DTNB: variants seen among roughly 807,000 people sequenced by gnomAD.
DTNB encodes dystrobrevin beta.
A neutral mutation model predicts 90.7 loss-of-function variants in DTNB; 63 were observed. The ratio of observed to expected loss-of-function variants is 0.69; its 90% confidence interval spans 0.57 to 0.86. The LOEUF (loss-of-function observed/expected upper bound fraction) is 0.86. Ranked by LOEUF, DTNB falls within the 40% of genes least tolerant of loss-of-function variation. The pLI is 0.00. For missense variants in DTNB, 744 were observed against 807.1 expected (o/e 0.92, Z 0.95); for synonymous variants, 277 against 286.7 (o/e 0.97, Z 0.34).
At chr2:25,630,795 G>C (rs775711002) in intron 3 of DTNB, among the ~76,000 whole-genome samples, 1 of 120,116 alleles carries the variant, frequency 8.3e-6, no homozygotes, top group African/African-American at 3.2e-5. Context: ...AGTGAGCCAA[G>C]ATTACACCAC....
intron 9 of DTNB, among the ~76,000 whole-genome samples, chr2:25,509,215 A>G (rs990895053): frequency 1.3e-5 from 2 of 152,184 alleles, no homozygotes; most frequent in Non-Finnish European, 2.9e-5. Flanking sequence ...ATGCACTAAG[A>G]GTGACATTCT....
chr2:25,394,385 A>C (rs2041911034), intron 16 of DTNB, among the ~76,000 whole-genome samples: 1 of 152,134 alleles, frequency 6.6e-6, no homozygotes, highest in Admixed American at 6.5e-5. Context: ...AACAAAGATA[A>C]ATAGATGGGA....
intron 9 of DTNB, among the ~76,000 whole-genome samples, chr2:25,517,377 A>G (rs1006361174): frequency 7.9e-5 from 12 of 152,200 alleles, no homozygotes; most frequent in Non-Finnish European, 1.3e-4. Flanking sequence ...GCAAAATTGT[A>G]TAAATTAACT....
chr2:25,506,774 G>A (rs1319401136), intron 9 of DTNB, among the ~76,000 whole-genome samples: 3 of 152,210 alleles, frequency 2.0e-5, no homozygotes, highest in African/African-American at 7.2e-5. Context: ...ATGAGAATAT[G>A]GGGAAACCTG....
chr2:25,666,790 G>A (rs1193163746), intron 1 of DTNB, among the ~76,000 whole-genome samples: 25 of 152,138 alleles, frequency 1.6e-4, no homozygotes, highest in Admixed American at 1.6e-3. Flanking sequence ...ACTTCCTGCA[G>A]GTAGTAATGA....
At chr2:25,526,629 CA>C (rs1357632257) in intron 9 of DTNB, among the ~76,000 whole-genome samples, 1 of 151,866 alleles carries the variant, frequency 6.6e-6, no homozygotes, top group Non-Finnish European at 1.5e-5. Flanking sequence ...CTCCTGACCT[CA>C]GATGATCCAC....
chr2:25,484,438 T>C (rs951628382), intron 9 of DTNB, among the ~76,000 whole-genome samples: 1 of 152,236 alleles, frequency 6.6e-6, no homozygotes, highest in Non-Finnish European at 1.5e-5. Flanking sequence ...CAGGCTTTAT[T>C]GTTTTGCAGG....
chr2:25,642,485 G>T (rs2078551697), intron 2 of DTNB, among the ~76,000 whole-genome samples: 2 of 151,402 alleles, frequency 1.3e-5, no homozygotes, highest in Admixed American at 1.3e-4. Flanking sequence ...TGCAATCTCG[G>T]TTCACTGCAG....
At chr2:25,437,513 C>T (rs538692044) in intron 12 of DTNB, among the ~76,000 whole-genome samples, 6 of 152,216 alleles carry the variant, frequency 3.9e-5, no homozygotes, top group Admixed American at 1.3e-4. Flanking sequence ...CTGCTCACCT[C>T]GGCCTTCCCG....
intron 1 of DTNB, among the ~76,000 whole-genome samples, chr2:25,669,834 C>T (rs2085401607): frequency 6.6e-6 from 1 of 151,520 alleles, no homozygotes; most frequent in Non-Finnish European, 1.5e-5. Context: ...GTCCCAGCTA[C>T]TTGGGAGAAT....
chr2:25,388,764 C>T (rs569115278), intron 16 of DTNB: 27 of 180,314 alleles, frequency 1.5e-4, no homozygotes, highest in South Asian at 6.4e-4. Flanking sequence ...TTGGACCCCT[C>T]CCCCCGCTGC....
At chr2:25,530,423 C>T (rs751849286) in intron 9 of DTNB, among the ~76,000 whole-genome samples, 9 of 152,026 alleles carry the variant, frequency 5.9e-5, no homozygotes, top group South Asian at 4.1e-4. Context: ...GGTGACAAAG[C>T]GAGACCCTGT....
chr2:25,442,673 AGT>A (rs1428808838), intron 12 of DTNB, among the ~76,000 whole-genome samples: 1 of 152,258 alleles, frequency 6.6e-6, no homozygotes, highest in Non-Finnish European at 1.5e-5. Flanking sequence ...AAACACTGGT[AGT>A]GTATATCTGA....
At chr2:25,402,585 T>C (rs2149659263) in intron 16 of DTNB, among the ~76,000 whole-genome samples, 1 of 152,276 alleles carries the variant, frequency 6.6e-6, no homozygotes, top group Non-Finnish European at 1.5e-5. Flanking sequence ...CATTTACCTA[T>C]TATGTGTCTG....
intron 9 of DTNB, among the ~76,000 whole-genome samples, chr2:25,504,207 G>T (rs1030086880): frequency 6.6e-6 from 1 of 152,022 alleles, no homozygotes. Context: ...GGCAGAGTTT[G>T]CATTGAGCCA....
At chr2:25,458,468 A>G (rs1189160374) in intron 10 of DTNB, among the ~76,000 whole-genome samples, 1 of 151,280 alleles carries the variant, frequency 6.6e-6, no homozygotes, top group Non-Finnish European at 1.5e-5. Flanking sequence ...GTTTCCTGGT[A>G]CGTAACATGT....
chr2:25,662,417 A>G (rs1317204032), intron 1 of DTNB, among the ~76,000 whole-genome samples: 1 of 152,204 alleles, frequency 6.6e-6, no homozygotes, highest in Non-Finnish European at 1.5e-5. Context: ...AAAAGTTACA[A>G]GAGAATACAT....
Position 25,388,183 on chromosome 2 carries a change from C to G in DTNB, c.1735+19G>C. 6 of 1,554,702 alleles carry G rather than the reference C, an allele frequency of 3.9e-6. No homozygotes were observed. Among genetic ancestry groups the G allele is most frequent in the Non-Finnish European group, 5.2e-6 (6 of 1,150,734 alleles). ...CACATCCCTTCAGCTCCCCGCTGAA[C>G]TCTGCTCCAGAAACTCACCTTGTGC... On this transcript the variant is annotated intron_variant, in intron 17 of 20. Transcript: ENST00000406818.
Position 25,432,984 on chromosome 2 carries a change from C to G in DTNB, c.1359G>C (p.Glu453Asp), listed in dbSNP as rs1478047631. 2.5e-6 allele frequency: 4 copies of G among 1,607,614 alleles called. No individual in the cohort carries two copies. In the East Asian group the frequency reaches 8.9e-5, roughly 36 times the overall value. Residue 453 changes from glutamate (E) to aspartate (D), a missense_variant, in exon 14 of 21, where the codon GAG (glutamate) becomes GAC (aspartate). Glu to Asp is a conservative substitution (Grantham distance 45). Transcript: ENST00000406818. ...LENKNREILQEIQRLRLEHEQ... is the reference protein window; with the variant it reads ...LENKNREILQDIQRLRLEHEQ... Reference sequence around the variant, plus strand: ...CGTGTTCCAGGCGGAGACGCTGAATCTCCTGCAGGATCTCTCTAGAGAGGA... The same window carrying G: ...CGTGTTCCAGGCGGAGACGCTGAATGTCCTGCAGGATCTCTCTAGAGAGGA...
Sources: gnomAD v4.1 joint callset for allele counts (sites outside exome capture counted in the v4.1 genomes callset) on GRCh38, gnomAD v4.1.1 for gene constraint, MANE v1.5 for transcripts, NCBI Gene and HGNC (gene_info 2026-07-23, HGNC 2026-07-21) for gene names.